PTGER3: variants seen among roughly 807,000 people sequenced by gnomAD.
The protein encoded by PTGER3 is prostaglandin E2 receptor EP3 subtype.
Under a neutral mutation model 34.7 loss-of-function variants are expected in PTGER3, and 22 were observed. The ratio of observed to expected loss-of-function variants is 0.63; its 90% confidence interval spans 0.45 to 0.91. The LOEUF (loss-of-function observed/expected upper bound fraction) is 0.91, where lower values mean the gene tolerates loss of function less well. Among genes scored for constraint, PTGER3 ranks in the 40% least tolerant of loss-of-function variants. The pLI is 0.00. For synonymous variants in PTGER3, 241 were observed against 230.1 expected, an observed-to-expected ratio of 1.05 and a Z score of -0.43; for missense variants, 468 against 519.4, an observed-to-expected ratio of 0.90 and a Z score of 0.96.
At chr1:71,017,114 G>A (rs1657977505) in intron 1 of PTGER3, among the ~76,000 whole-genome samples, 1 of 152,050 alleles carries the variant, frequency 6.6e-6, no homozygotes, top group Non-Finnish European at 1.5e-5. Flanking sequence ...GGACTCTGCA[G>A]ATGTGATTAA....
chr1:70,946,271 G>A (rs1341217654), intron 4 of PTGER3, among the ~76,000 whole-genome samples: 1 of 152,002 alleles, frequency 6.6e-6, no homozygotes, highest in Non-Finnish European at 1.5e-5. Context: ...CCTGAGCCAG[G>A]CCCCATTTGA....
intron 4 of PTGER3, among the ~76,000 whole-genome samples, chr1:70,894,746 A>G (rs919085843): frequency 3.9e-5 from 6 of 152,220 alleles, no homozygotes; most frequent in African/African-American, 1.4e-4. Context: ...TATCTCCAGT[A>G]GAGGTATGTG....
chr1:71,042,886 AG>A, intron 1 of PTGER3, among the ~76,000 whole-genome samples: 1 of 152,288 alleles, frequency 6.6e-6, no homozygotes, highest in Admixed American at 6.5e-5. Context: ...TAAAGGCAAA[AG>A]TTTCTAAGGC....
At chr1:70,941,833 C>T (rs559613579) in intron 4 of PTGER3, among the ~76,000 whole-genome samples, 8 of 152,260 alleles carry the variant, frequency 5.3e-5, no homozygotes, top group African/African-American at 1.9e-4. Context: ...AATATTATAT[C>T]TGTGCTTCTG....
chr1:70,892,496 G>A (rs1259571718), intron 4 of PTGER3, among the ~76,000 whole-genome samples: 1 of 152,096 alleles, frequency 6.6e-6, no homozygotes, highest in African/African-American at 2.4e-5. Context: ...TAGATAGATT[G>A]TACTAGCTAT....
chr1:70,937,662 C>T (rs1413357212), intron 4 of PTGER3, among the ~76,000 whole-genome samples: 1 of 152,176 alleles, frequency 6.6e-6, no homozygotes, highest in African/African-American at 2.4e-5. Context: ...TGGTCACTCT[C>T]ACATAGAAAA....
At chr1:70,998,160 A>T (rs891755833) in intron 2 of PTGER3, 1 of 152,240 alleles carries the variant, frequency 6.6e-6, no homozygotes, top group African/African-American at 2.4e-5. Flanking sequence ...TGGTTCTTAG[A>T]TGCAGTCAGG....
chr1:70,953,130 A>G (rs925225869), intron 3 of PTGER3: 2 of 1,307,294 alleles, frequency 1.5e-6, no homozygotes, highest in Admixed American at 2.5e-5. Context: ...AAATAATACA[A>G]ATAAAAAGGT....
intron 2 of PTGER3, among the ~76,000 whole-genome samples, chr1:70,956,125 G>A (rs1037198123): frequency 4.6e-5 from 7 of 152,132 alleles, no homozygotes; most frequent in East Asian, 3.8e-4. Flanking sequence ...ACAGGATATC[G>A]TGAATGTTGT....
At chr1:70,976,549 T>C (rs1163872071) in intron 2 of PTGER3, among the ~76,000 whole-genome samples, 1 of 152,158 alleles carries the variant, frequency 6.6e-6, no homozygotes, top group African/African-American at 2.4e-5. Flanking sequence ...ATATATGATT[T>C]GATCTACTAA....
chr1:71,043,540 C>T (rs1660488380), intron 1 of PTGER3, among the ~76,000 whole-genome samples: 1 of 152,180 alleles, frequency 6.6e-6, no homozygotes, highest in South Asian at 2.1e-4. Flanking sequence ...AGGATATACT[C>T]AGGGTCCTTT....
At chr1:70,913,592 T>C (rs1362860675) in intron 4 of PTGER3, among the ~76,000 whole-genome samples, 1 of 151,932 alleles carries the variant, frequency 6.6e-6, no homozygotes, top group Admixed American at 6.6e-5. Flanking sequence ...CTTTTTACCA[T>C]TGTGTATGAT....
In PTGER3 at chr1:70,971,656, C is replaced by T. The variant is rs1653089589; in HGVS notation, c.*74G>A. The T allele has an allele frequency of 2.4e-5, 35 of 1,486,574 alleles. No homozygotes were observed. In the South Asian group the frequency reaches 4.6e-4, roughly 20 times the overall value. 92.1% of individuals were successfully genotyped at this position (1,486,574 alleles called of 1,614,324 possible). On this transcript the variant is annotated 3_prime_UTR_variant, in exon 4 of 4. Coordinates refer to ENST00000306666, the MANE Select transcript of PTGER3 (RefSeq NM_198719.2). ...ATCCAAATTAAAATATATAATTATC[C>T]TTCTCAGGTGGGAAGAAATATGCAA...
chr1:70,937,367 A>C (rs1478653985), intron 4 of PTGER3, among the ~76,000 whole-genome samples: 1 of 152,182 alleles, frequency 6.6e-6, no homozygotes, highest in African/African-American at 2.4e-5. Flanking sequence ...TTTGGCGGGC[A>C]CTAGGTGTGG....
At chr1:70,988,455 A>G (rs1343887822) in intron 2 of PTGER3, among the ~76,000 whole-genome samples, 1 of 152,180 alleles carries the variant, frequency 6.6e-6, no homozygotes, top group Non-Finnish European at 1.5e-5. Flanking sequence ...ACCAAATTCC[A>G]GCCGATTATT....
intron 1 of PTGER3, among the ~76,000 whole-genome samples, chr1:71,033,073 A>C (rs909015074): frequency 6.6e-6 from 1 of 152,152 alleles, no homozygotes; most frequent in Non-Finnish European, 1.5e-5. Context: ...ATTAGATCAA[A>C]TTTACCTCCT....
intron 4 of PTGER3, among the ~76,000 whole-genome samples, chr1:70,937,968 A>G (rs1021367963): frequency 3.3e-5 from 5 of 152,106 alleles, no homozygotes; most frequent in African/African-American, 7.2e-5. Flanking sequence ...ATTGGCCTTT[A>G]TTTTGAGATG....
intron 2 of PTGER3, among the ~76,000 whole-genome samples, chr1:70,990,821 A>G (rs910546850): frequency 1.3e-5 from 2 of 152,066 alleles, no homozygotes; most frequent in African/African-American, 2.4e-5. Context: ...CCACTCCACA[A>G]TCATATAATA....
At position 71,047,199 on chromosome 1, in the gene PTGER3, C is replaced by T. The variant is rs1303021752; in HGVS notation, c.379G>A (p.Gly127Arg). ...KQRWEHIDPS[G>R]RLCTFFGLTM... ...AGCCCGAAAAAGGTGCAGAGCCGCC[C>T]CGACGGGTCGATGTGCTCCCAACGC... Residue 127 changes from glycine to arginine, a missense_variant, in exon 1 of 4, where the codon GGG becomes AGG. Gly to Arg is a moderately radical substitution (Grantham distance 125). This residue lies in a region of PTGER3 where 53 missense variants were observed against 93.9 expected (regional missense o/e 0.56). Coordinates refer to ENST00000306666, the MANE Select transcript of PTGER3 (RefSeq NM_198719.2). The T allele has an allele frequency of 1.3e-6, 2 of 1,598,698 alleles. No individual in the cohort carries two copies. The highest frequency in any genetic ancestry group is 1.7e-6 in the Non-Finnish European group (2 of 1,173,032).
Sources: allele counts gnomAD v4.1 joint callset (sites outside exome capture counted in the v4.1 genomes callset), GRCh38; gene constraint gnomAD v4.1.1; regional missense constraint gnomAD v4.1.1; transcripts MANE v1.5; gene names NCBI Gene and HGNC (gene_info 2026-07-23, HGNC 2026-07-21).